The following SGCD variants were observed in gnomAD, a reference collection of about 807,000 sequenced individuals.
SGCD encodes sarcoglycan delta, also known as delta-sarcoglycan.
A neutral mutation model predicts 36.6 loss-of-function variants in SGCD; 18 were observed. The observed-to-expected ratio is 0.49, with a 90% CI of 0.34 to 0.73. The LOEUF is 0.73. Ranked by LOEUF, SGCD falls within the 30% of genes least tolerant of loss-of-function variation. The pLI is 0.01. For missense variants in SGCD, 387 were observed against 346.7 expected (o/e 1.12, Z -0.92); for synonymous variants, 133 against 130.6 (o/e 1.02, Z -0.12).
At position 156,487,788 on chromosome 5, in the gene SGCD, C is replaced by CAAAA. The variant is rs56006984; in HGVS notation, c.193-20788_193-20785dup. 4.2e-3 allele frequency among the ~76,000 whole-genome samples: 174 copies of CAAAA among 41,302 alleles called. 1 individual carries two copies. The highest frequency in any genetic ancestry group is 7.0e-3 in the Non-Finnish European group (128 of 18,222). 27.1% of individuals were successfully genotyped at this position (41,302 alleles called of 152,430 possible). The stretch of plus-strand genomic sequence containing the variant: ...GGGCAACAGAGTGAGACTCTGTCAC[C>CAAAA]AAAAAAAAAAAAAAAAAAAAAAAAA... On this transcript the variant is annotated intron_variant, in intron 3 of 8. Transcript: ENST00000337851.
At chr5:156,386,618 A>G (rs1302971717) in intron 3 of SGCD, among the ~76,000 whole-genome samples, 3 of 152,266 alleles carry the variant, frequency 2.0e-5, no homozygotes, top group Non-Finnish European at 2.9e-5. Context: ...CATATATCTT[A>G]ATGAAATGAA....
the SGCD span, among the ~76,000 whole-genome samples, chr5:155,825,463 G>A: frequency 2.0e-5 from 3 of 152,166 alleles, no homozygotes; most frequent in African/African-American, 7.2e-5. Context: ...CATTTTGATT[G>A]TGAAACAAAT....
chr5:155,817,657 T>A, the SGCD span, among the ~76,000 whole-genome samples: 47 of 152,306 alleles, frequency 3.1e-4, no homozygotes, highest in African/African-American at 1.1e-3. Flanking sequence ...GCATGAGATT[T>A]ATGTAGGACC....
chr5:155,924,326 G>T lies in SGCD; in HGVS notation c.-282+53902G>T, dbSNP rs138458402. On this transcript the variant is annotated intron_variant, in intron 1 of 9. Coordinates refer to the SGCD transcript ENST00000517913. ...CAAAGGCACCTGAATTCATCAAATAGTTTATTGTCAGCACAGAGGAAGGGA... is the reference window on the plus strand; with the variant it reads ...CAAAGGCACCTGAATTCATCAAATATTTTATTGTCAGCACAGAGGAAGGGA... Among the ~76,000 whole-genome samples, 39 of 152,318 alleles carry T rather than the reference G, an allele frequency of 2.6e-4. No homozygotes were observed. In the East Asian group the frequency reaches 7.3e-3, roughly 29 times the overall value.
At chr5:156,601,317 G>C (rs191781099) in intron 6 of SGCD, among the ~76,000 whole-genome samples, 290 of 152,248 alleles carry the variant, frequency 1.9e-3, no homozygotes, top group African/African-American at 6.9e-3. Context: ...TTTATATATA[G>C]TGAGAGGTAG....
intron 1 of SGCD, among the ~76,000 whole-genome samples, chr5:155,883,793 C>CAAAAAAAAAA (rs34250962): frequency 1.4e-4 from 12 of 83,484 alleles, no homozygotes; most frequent in African/African-American, 2.0e-4. Flanking sequence ...CTTCAATTTG[C>CAAAAAAAAAA]AAAAAAAAAA....
chr5:156,720,319 T>C (rs1420878654), intron 7 of SGCD, among the ~76,000 whole-genome samples: 1 of 152,146 alleles, frequency 6.6e-6, no homozygotes, highest in Non-Finnish European at 1.5e-5. Context: ...GGTGAGCATC[T>C]GGGGAGGATT....
rs111781942 is a variant in SGCD at position 156,295,726 on chromosome 5, C to T, written c.-43-33808C>T. 7.2e-5 allele frequency among the ~76,000 whole-genome samples: 11 copies of T among 152,292 alleles called. 1 individual carries two copies. Among genetic ancestry groups the T allele is most frequent in the African/African-American group, 2.6e-4 (11 of 41,560 alleles). ...AAATGTTTGACCATGACCTGCTGTTCCTCACAGGAAAATTGTACTGGCAAA... is the reference window on the plus strand; with the variant it reads ...AAATGTTTGACCATGACCTGCTGTTTCTCACAGGAAAATTGTACTGGCAAA... On this transcript the variant is annotated intron_variant, in intron 3 of 9. Coordinates refer to the SGCD transcript ENST00000517913.
At chr5:156,512,939 C>A (rs1018082196) in intron 4 of SGCD, among the ~76,000 whole-genome samples, 4 of 148,458 alleles carry the variant, frequency 2.7e-5, no homozygotes, top group African/African-American at 9.9e-5. Context: ...TTTTTTTTTT[C>A]CTGCAATGGG....
At chr5:156,143,847 A>G (rs1252868844) in intron 3 of SGCD, among the ~76,000 whole-genome samples, 3 of 150,102 alleles carry the variant, frequency 2.0e-5, no homozygotes, top group Non-Finnish European at 4.4e-5. Context: ...TTAACTCATC[A>G]TTTAGCATTA....
chr5:156,107,052 G>A (rs963431763), intron 1 of SGCD, among the ~76,000 whole-genome samples: 8 of 152,054 alleles, frequency 5.3e-5, no homozygotes, highest in Admixed American at 1.3e-4. Flanking sequence ...ACAGGCTGAG[G>A]TCTAATTAAG....
At chr5:156,048,411 A>G (rs1434767675) in intron 1 of SGCD, among the ~76,000 whole-genome samples, 2 of 152,170 alleles carry the variant, frequency 1.3e-5, no homozygotes, top group Admixed American at 6.5e-5. Flanking sequence ...GACTTCCACA[A>G]TGGTTGAACT....
intron 1 of SGCD, among the ~76,000 whole-genome samples, chr5:156,063,562 A>G (rs1371131698): frequency 7.0e-5 from 8 of 114,354 alleles, no homozygotes; most frequent in Admixed American, 1.7e-4. Context: ...CTTCCTACCC[A>G]TGAGCATGGA....
intron 3 of SGCD, among the ~76,000 whole-genome samples, chr5:156,184,709 G>C (rs1763693929): frequency 6.6e-6 from 1 of 152,122 alleles, no homozygotes; most frequent in Non-Finnish European, 1.5e-5. Flanking sequence ...ATTCCCTCCT[G>C]CTCTGCTAGT....
At chr5:156,405,617 G>C (rs1457742702) in intron 3 of SGCD, among the ~76,000 whole-genome samples, 1 of 152,164 alleles carries the variant, frequency 6.6e-6, no homozygotes, top group Non-Finnish European at 1.5e-5. Flanking sequence ...GCTCTCCCAA[G>C]CTCTCTTCAA....
At chr5:155,921,983 GA>G (rs1158098334) in intron 1 of SGCD, among the ~76,000 whole-genome samples, 4 of 152,212 alleles carry the variant, frequency 2.6e-5, no homozygotes, top group African/African-American at 9.6e-5. Flanking sequence ...AAGGGCAGTG[GA>G]CTTGCACTTG....
At chr5:156,369,894 G>C (rs781106077) in intron 3 of SGCD, among the ~76,000 whole-genome samples, 11 of 152,284 alleles carry the variant, frequency 7.2e-5, no homozygotes, top group Non-Finnish European at 1.3e-4. Context: ...GTTGAATCAG[G>C]CTACTTGTTT....
chr5:156,083,377 C>T (rs1761011593), intron 1 of SGCD, among the ~76,000 whole-genome samples: 1 of 151,580 alleles, frequency 6.6e-6, no homozygotes, highest in Non-Finnish European at 1.5e-5. Flanking sequence ...TCACTGCAGC[C>T]TCCGCCTCCC....
At chr5:155,938,401 A>G (rs1307710329) in intron 1 of SGCD, among the ~76,000 whole-genome samples, 3 of 152,214 alleles carry the variant, frequency 2.0e-5, no homozygotes, top group African/African-American at 7.2e-5. Flanking sequence ...TGGGACTCAA[A>G]AAGGAAAAAT....
Sources: gnomAD v4.1 joint callset for allele counts (sites outside exome capture counted in the v4.1 genomes callset) on GRCh38, gnomAD v4.1.1 for gene constraint, MANE v1.5 for transcripts, NCBI Gene and HGNC (gene_info 2026-07-23, HGNC 2026-07-21) for gene names.